The following CD33 variants were observed in gnomAD, a reference collection of about 807,000 sequenced individuals.
The protein encoded by CD33 is CD33 molecule.
A neutral mutation model predicts 31.4 loss-of-function variants in CD33; 25 were observed. That is an observed-to-expected ratio of 0.80 (90% confidence interval 0.58 to 1.11). The LOEUF is 1.11. Ranked by LOEUF, CD33 falls within the 50% of genes most tolerant of loss-of-function variation. The pLI, the probability that CD33 is intolerant of heterozygous loss-of-function variation, is 0.00. For missense variants in CD33, 407 were observed against 448.1 expected, an observed-to-expected ratio of 0.91 and a Z score of 0.83; for synonymous variants, 176 against 180.6, an observed-to-expected ratio of 0.97 and a Z score of 0.20.
At chr19:51,219,890 G>A in the CD33 span, among the ~76,000 whole-genome samples, 5,801 of 152,230 alleles carry the variant, frequency 0.038, 188 homozygotes, top group African/African-American at 0.09. Flanking sequence ...TGATCGTGAC[G>A]AATTATCTTT....
chr19:51,211,523 T>G, the CD33 span: 1 of 1,532,264 alleles, frequency 6.5e-7, no homozygotes, highest in Non-Finnish European at 8.8e-7. Flanking sequence ...TCATACTTCT[T>G]TCGGATGGAG....
At chr19:51,213,591 C>T in the CD33 span, among the ~76,000 whole-genome samples, 2 of 152,038 alleles carry the variant, frequency 1.3e-5, no homozygotes, top group East Asian at 1.9e-4. Flanking sequence ...GGCTGGAGCA[C>T]GGTGACACAA....
chr19:51,234,381 G>A (rs1350710569), intron 4 of CD33, among the ~76,000 whole-genome samples: 5 of 152,148 alleles, frequency 3.3e-5, no homozygotes, highest in South Asian at 2.1e-4. Context: ...AATCCACCAT[G>A]AGAGTATCAT....
chr19:51,235,497 C>A (rs1012627769), intron 5 of CD33, 98 bp from the exon 6 acceptor site: 2 of 1,484,310 alleles, frequency 1.3e-6, no homozygotes, highest in Non-Finnish European at 1.8e-6. Context: ...CTGGATTAAT[C>A]CCACCCTTTA....
intron 6 of CD33, chr19:51,239,305 G>A (rs1982008625): frequency 2.5e-6 from 1 of 403,192 alleles, no homozygotes. Flanking sequence ...ATTAGTCTCT[G>A]TGAGTATTCA....
upstream of CD33, among the ~76,000 whole-genome samples, chr19:51,221,623 T>G (rs944205868): frequency 2.6e-5 from 4 of 152,190 alleles, no homozygotes; most frequent in Non-Finnish European, 4.4e-5. Flanking sequence ...ACACTTACCA[T>G]AGGACCAGGC....
chr19:51,226,472 G>C (rs1981045109), intron 4 of CD33, 116 bp downstream of exon 4: 1 of 865,834 alleles, frequency 1.2e-6, no homozygotes, highest in Non-Finnish European at 1.9e-6. Context: ...GTTAGACACG[G>C]GTAGACATCA....
At chr19:51,237,169 T>TA (rs1161427413) in intron 6 of CD33, 1 of 152,156 alleles carries the variant, frequency 6.6e-6, no homozygotes, top group African/African-American at 2.4e-5. Flanking sequence ...ATTTTTTTTT[T>TA]AATTTATTTA....
At chr19:51,226,207 T>A in intron 3 of CD33, 102 bp from the exon 4 acceptor site, 1 of 1,497,146 alleles carries the variant, frequency 6.7e-7, no homozygotes, top group Non-Finnish European at 9.3e-7. Flanking sequence ...ATGAGCCCTG[T>A]CCCTTCTGCA....
chr19:51,211,490 A>T, the CD33 span: 1 of 1,558,306 alleles, frequency 6.4e-7, no homozygotes. Flanking sequence ...AGCATCGTAG[A>T]CGCCAGGAGG....
At chr19:51,212,112 TG>T in the CD33 span, 3 of 608,986 alleles carry the variant, frequency 4.9e-6, no homozygotes, top group African/African-American at 1.9e-5. Flanking sequence ...GAGGGTGTGA[TG>T]GGGGGAGGAC....
chr19:51,223,698 G>A (rs1446897599), upstream of CD33, among the ~76,000 whole-genome samples: 8 of 152,174 alleles, frequency 5.3e-5, no homozygotes, highest in South Asian at 1.2e-3. Flanking sequence ...TTTCTGCACT[G>A]GTTCATAGAA....
chr19:51,217,774 C>G, the CD33 span, among the ~76,000 whole-genome samples: 1 of 152,200 alleles, frequency 6.6e-6, no homozygotes, highest in Non-Finnish European at 1.5e-5. Context: ...TTTAACTACA[C>G]TTATACATGA....
At chr19:51,211,889 G>A in the CD33 span, 2 of 1,439,026 alleles carry the variant, frequency 1.4e-6, no homozygotes, top group Non-Finnish European at 9.8e-7. Flanking sequence ...GTGAGCAGGG[G>A]ACGCCCCCCA....
chr19:51,215,616 C>T, the CD33 span, among the ~76,000 whole-genome samples: 1 of 152,088 alleles, frequency 6.6e-6, no homozygotes, highest in African/African-American at 2.4e-5. Flanking sequence ...TTTCTGTGGC[C>T]CCCAGGATAG....
At chr19:51,221,543 C>A, upstream of CD33, among the ~76,000 whole-genome samples, 1 of 152,112 alleles carries the variant, frequency 6.6e-6, no homozygotes, top group East Asian at 1.9e-4. Flanking sequence ...CACATAACTC[C>A]TGGTGGGAAT....
chr19:51,231,798 G>A (rs766164433), intron 4 of CD33, among the ~76,000 whole-genome samples: 11 of 150,604 alleles, frequency 7.3e-5, no homozygotes, highest in Admixed American at 2.0e-4. Flanking sequence ...TCACTCTGTC[G>A]CCCAGGCAGG....
At position 51,239,807 on chromosome 19, in the gene CD33, G is replaced by A. The variant is rs995750626; in HGVS notation, c.*119G>A. The A allele has an allele frequency of 7.4e-6, 5 of 672,008 alleles. No individual in the cohort carries two copies. In the South Asian group the frequency reaches 1.2e-4, roughly 17 times the overall value. 41.6% of individuals were successfully genotyped at this position (672,008 alleles called of 1,614,324 possible). A position where few individuals can be genotyped will look rare whatever the true frequency, so the allele number is the denominator to read the frequency against. ...GGCAATGGGTTTATAGACATTATGT[G>A]AGTTTCCTGCTATATTAACATCATC... On this transcript the variant is annotated 3_prime_UTR_variant, in exon 7 of 7. Coordinates refer to ENST00000262262, the MANE Select transcript of CD33 (RefSeq NM_001772.4).
At position 51,225,529 on chromosome 19, in the gene CD33, T is replaced by C. The variant is rs771551166; in HGVS notation, c.349T>C (p.Phe117Leu). Reference sequence around the variant, plus strand: ...CAGGAGGAGGGATAATGGTTCATACTTCTTTCGGATGGAGAGAGGAAGTAC... The same window carrying C: ...CAGGAGGAGGGATAATGGTTCATACCTCTTTCGGATGGAGAGAGGAAGTAC... ...DARRRDNGSY[F>L]FRMERGSTKY... is the part of the protein sequence containing the mutation. Residue 117 changes from phenylalanine to leucine, a missense_variant, in exon 2 of 7, where the codon TTC becomes CTC. Phe to Leu is a conservative substitution (Grantham distance 22). Coordinates refer to ENST00000262262, the MANE Select transcript of CD33 (RefSeq NM_001772.4). The C allele has an allele frequency of 5.4e-5, 87 of 1,602,904 alleles. No homozygotes were observed. Among genetic ancestry groups the C allele is most frequent in the Non-Finnish European group, 6.7e-5 (79 of 1,174,360 alleles).
Sources: allele counts gnomAD v4.1 joint callset (sites outside exome capture counted in the v4.1 genomes callset), GRCh38; gene constraint gnomAD v4.1.1; transcripts MANE v1.5; gene names NCBI Gene and HGNC (gene_info 2026-07-23, HGNC 2026-07-21).